The following EXOC5 variants were observed in gnomAD, a reference collection of about 807,000 sequenced individuals.
The protein encoded by EXOC5 is exocyst complex component 5.
EXOC5 carries 17 observed loss-of-function variants against 90.8 expected under a neutral mutation model. That is an observed-to-expected ratio of 0.19 (90% CI 0.13 to 0.28). EXOC5 has a LOEUF of 0.28. EXOC5 is among the 10% of genes least tolerant of loss of function. The pLI, the probability that EXOC5 is intolerant of heterozygous loss-of-function variation, is 1.00. For missense variants in EXOC5, 569 were observed against 830.6 expected (o/e 0.69, Z 3.87); for synonymous variants, 260 against 270.0 (o/e 0.96, Z 0.36).
At chr14:57,227,696 T>C (rs896393180) in intron 12 of EXOC5, among the ~76,000 whole-genome samples, 7 of 152,202 alleles carry the variant, frequency 4.6e-5, no homozygotes, top group African/African-American at 1.4e-4. Flanking sequence ...AGTATTGTAC[T>C]AGTGATTTAC....
At chr14:57,252,509 T>C (rs965966886) in intron 1 of EXOC5, among the ~76,000 whole-genome samples, 14 of 152,044 alleles carry the variant, frequency 9.2e-5, no homozygotes, top group Non-Finnish European at 1.6e-4. Context: ...AGAAGACACA[T>C]AAATGGCCAA....
At chr14:57,223,238 A>G (rs1386386696) in intron 12 of EXOC5, among the ~76,000 whole-genome samples, 4 of 152,120 alleles carry the variant, frequency 2.6e-5, no homozygotes, top group Non-Finnish European at 4.4e-5. Flanking sequence ...TAAAATTATT[A>G]GTTATGCTGG....
At chr14:57,225,767 T>C (rs1213558038) in intron 12 of EXOC5, among the ~76,000 whole-genome samples, 2 of 152,282 alleles carry the variant, frequency 1.3e-5, no homozygotes, top group East Asian at 1.9e-4. Flanking sequence ...CCTAAGTTGG[T>C]AGGGGCACAG....
Position 57,247,846 on chromosome 14 carries a change from T to G in EXOC5, c.28-134A>C, listed in dbSNP as rs1594675807. ...AATTGTTTAAATACATCTATATTAT[T>G]AAAATGTACAGATTTTTTCAATTAA... is the stretch of plus-strand genomic sequence containing the variant. On this transcript the variant is annotated intron_variant, in intron 1 of 17. Coordinates refer to ENST00000621441, the MANE Select transcript of EXOC5 (RefSeq NM_006544.4). The G allele has an allele frequency of 1.1e-5, 5 of 447,944 alleles. No individual in the cohort carries two copies. The East Asian group carries it at 1.7e-4, about 16-fold the overall frequency. 27.7% of individuals were successfully genotyped at this position (447,944 alleles called of 1,614,324 possible).
At chr14:57,228,993 C>G (rs1359655642) in intron 12 of EXOC5, among the ~76,000 whole-genome samples, 3 of 151,768 alleles carry the variant, frequency 2.0e-5, no homozygotes, top group African/African-American at 7.3e-5. Flanking sequence ...GTTTATTTTG[C>G]TAAACTGTGT....
chr14:57,254,794 C>G (rs1306346053), intron 1 of EXOC5, among the ~76,000 whole-genome samples: 1 of 152,118 alleles, frequency 6.6e-6, no homozygotes, highest in Non-Finnish European at 1.5e-5. Flanking sequence ...GAAGAGATTA[C>G]GTGAGCACAA....
chr14:57,247,494 A>C, intron 2 of EXOC5, 124 bp downstream of exon 2: 4 of 463,642 alleles, frequency 8.6e-6, no homozygotes, highest in Non-Finnish European at 1.2e-5. Flanking sequence ...ATTGTCTTTT[A>C]TTGGCCAAAT....
chr14:57,219,684 G>A (rs1306644845), intron 13 of EXOC5, among the ~76,000 whole-genome samples: 2 of 151,982 alleles, frequency 1.3e-5, no homozygotes, highest in African/African-American at 2.4e-5. Context: ...CATGATTCAC[G>A]TGAGCCATGA....
intron 1 of EXOC5, among the ~76,000 whole-genome samples, chr14:57,255,083 T>C (rs750848215): frequency 1.3e-5 from 2 of 151,920 alleles, no homozygotes; most frequent in Non-Finnish European, 2.9e-5. Flanking sequence ...GTAGAAAAAA[T>C]GACTTTGCTT....
intron 12 of EXOC5, among the ~76,000 whole-genome samples, chr14:57,225,589 CA>C (rs34662135): frequency 2.3e-3 from 234 of 102,678 alleles, no homozygotes; most frequent in Middle Eastern, 6.0e-3. Flanking sequence ...GTGGAATCTA[CA>C]AAAAAAAAAA....
At chr14:57,208,995 A>G (rs1415669336) in intron 17 of EXOC5, among the ~76,000 whole-genome samples, 198 bp from the exon 18 acceptor site, 1 of 152,196 alleles carries the variant, frequency 6.6e-6, no homozygotes, top group East Asian at 1.9e-4. Flanking sequence ...AATATTTCAA[A>G]AAGATTCATG....
At position 57,229,799 on chromosome 14, in the gene EXOC5, G is replaced by C. The variant is rs1190871590; in HGVS notation, c.1231C>G (p.Leu411Val). ...PSIDTHGETFLSQEVVVNLLQ... is the reference protein window; with the variant it reads ...PSIDTHGETFVSQEVVVNLLQ... ...AGATTAACCACCACTTCTTGGGATA[G>C]AAAAGTCTCCCCATGAGTATCGATA... Residue 411 changes from leucine to valine, a missense_variant, in exon 12 of 18, where the codon CTA becomes GTA. Physicochemically the swap from Leu to Val is conservative, Grantham distance 32 (BLOSUM62 1). Around this residue, in one of 9 missense-constraint regions of EXOC5, gnomAD observed 69 missense variants for 115.5 expected, o/e 0.60. Coordinates refer to ENST00000621441, the MANE Select transcript of EXOC5 (RefSeq NM_006544.4). The C allele has an allele frequency of 6.5e-7, 1 of 1,528,838 alleles. No individual in the cohort carries two copies. The highest frequency in any genetic ancestry group is 1.4e-5 in the African/African-American group (1 of 72,836). 94.7% of individuals were successfully genotyped at this position (1,528,838 alleles called of 1,614,324 possible).
chr14:57,267,930 T>G (rs1313671675), intron 1 of EXOC5, among the ~76,000 whole-genome samples: 1 of 152,128 alleles, frequency 6.6e-6, no homozygotes, highest in Non-Finnish European at 1.5e-5. Flanking sequence ...TTTATAAACT[T>G]TTTTTATTTT....
intron 9 of EXOC5, 149 bp downstream of exon 9, chr14:57,233,594 A>G (rs1281677535): frequency 3.6e-6 from 2 of 559,022 alleles, no homozygotes; most frequent in African/African-American, 3.8e-5. Context: ...CATTTTTTAA[A>G]AAGCATGAGG....
intron 15 of EXOC5, among the ~76,000 whole-genome samples, chr14:57,215,007 A>G (rs1882931726): frequency 6.6e-6 from 1 of 152,104 alleles, no homozygotes; most frequent in Non-Finnish European, 1.5e-5. Context: ...AGGCGGGTGG[A>G]CTGCCTGAGG....
intron 1 of EXOC5, 167 bp downstream of exon 1, chr14:57,268,455 A>G: frequency 6.8e-7 from 1 of 1,467,002 alleles, no homozygotes; most frequent in Non-Finnish European, 9.0e-7. Context: ...CCCCCATTTC[A>G]CGCTCCGCCC....
intron 1 of EXOC5, among the ~76,000 whole-genome samples, chr14:57,255,594 A>G (rs753159963): frequency 6.6e-6 from 1 of 152,126 alleles, no homozygotes; most frequent in African/African-American, 2.4e-5. Context: ...TGATGCACTG[A>G]TCGGGTGTGG....
intron 1 of EXOC5, among the ~76,000 whole-genome samples, chr14:57,253,503 C>T (rs1884251840): frequency 6.6e-6 from 1 of 152,180 alleles, no homozygotes; most frequent in African/African-American, 2.4e-5. Context: ...TTGTGAATAT[C>T]CCAATGACTT....
rs1566720626 is a variant in EXOC5 at position 57,201,573 on chromosome 14, TA to T, written c.*7035del. On this transcript the variant is annotated 3_prime_UTR_variant, in exon 18 of 18. Coordinates refer to ENST00000621441, the MANE Select transcript of EXOC5 (RefSeq NM_006544.4). ...TATTTTTATATATATTAATATTATA[TA>T]TATATATATATATATATATATAAAG... 1 of 78,130 alleles carries T rather than the reference TA, an allele frequency of 1.3e-5. No homozygotes were observed. The highest frequency in any genetic ancestry group is 3.0e-4 in the South Asian group (1 of 3,358). The allele number at this position is 78,130 out of a possible 1,614,324, so 4.8% of individuals were successfully genotyped here. A position where few individuals can be genotyped will look rare whatever the true frequency, so the allele number is the denominator to read the frequency against.
Sources: allele counts gnomAD v4.1 joint callset (sites outside exome capture counted in the v4.1 genomes callset), GRCh38; gene constraint gnomAD v4.1.1; regional missense constraint gnomAD v4.1.1; transcripts MANE v1.5; gene names NCBI Gene and HGNC (gene_info 2026-07-23, HGNC 2026-07-21).